The following STAU2 variants were observed in gnomAD, a reference collection of about 807,000 sequenced individuals.
The protein encoded by STAU2 is staufen double-stranded RNA binding protein 2.
A neutral mutation model predicts 65.9 loss-of-function variants in STAU2; 20 were observed. The observed-to-expected ratio is 0.30, with a 90% CI of 0.21 to 0.44. The LOEUF is 0.44. Among genes scored for constraint, STAU2 ranks in the 20% least tolerant of loss-of-function variants. The pLI is 1.00. For synonymous variants in STAU2, 232 were observed against 233.9 expected, an observed-to-expected ratio of 0.99 and a Z score of 0.07; for missense variants, 558 against 683.9, an observed-to-expected ratio of 0.82 and a Z score of 2.05.
chr8:73,701,717 A>G (rs911551219), intron 4 of STAU2, among the ~76,000 whole-genome samples: 6 of 152,194 alleles, frequency 3.9e-5, no homozygotes, highest in African/African-American at 1.4e-4. Flanking sequence ...CAATCCAGCA[A>G]TCCCGCTGCT....
intron 6 of STAU2, among the ~76,000 whole-genome samples, chr8:73,639,553 T>C (rs1340191039): frequency 1.3e-5 from 2 of 152,144 alleles, no homozygotes. Context: ...GGTACCCTCA[T>C]GCTCGACAAC....
chr8:73,453,403 T>C (rs1818902864), intron 13 of STAU2, among the ~76,000 whole-genome samples: 2 of 152,252 alleles, frequency 1.3e-5, no homozygotes, highest in Admixed American at 6.5e-5. Context: ...GTAAAAGCTA[T>C]CATTTGATGT....
At chr8:73,724,972 C>T (rs530957075) in intron 3 of STAU2, among the ~76,000 whole-genome samples, 1 of 152,252 alleles carries the variant, frequency 6.6e-6, no homozygotes, top group South Asian at 2.1e-4. Context: ...CAGGCATGAG[C>T]CACCATGCCC....
intron 12 of STAU2, among the ~76,000 whole-genome samples, chr8:73,568,765 A>G (rs1362270312): frequency 1.3e-5 from 2 of 152,236 alleles, no homozygotes; most frequent in Non-Finnish European, 2.9e-5. Context: ...TACTTTCAGT[A>G]TAAGTAACAG....
intron 3 of STAU2, among the ~76,000 whole-genome samples, chr8:73,709,536 T>C (rs1472545398): frequency 1.3e-5 from 2 of 152,064 alleles, no homozygotes; most frequent in Non-Finnish European, 2.9e-5. Flanking sequence ...GTCTACCTTC[T>C]TGATCGTTTC....
Position 73,530,180 on chromosome 8 carries a change from A to G in STAU2, c.1530+21832T>C, listed in dbSNP as rs551319686. Among the ~76,000 whole-genome samples, 61 of 152,292 alleles carry G rather than the reference A, an allele frequency of 4.0e-4. 1 individual carries two copies. Among genetic ancestry groups the G allele is most frequent in the Middle Eastern group, 6.8e-3 (2 of 294 alleles). ...CATGCCAGCTGTAGCCTGCAAGCTT[A>G]TGGACCTTTAAGTGACAAAAAAATA... On this transcript the variant is annotated intron_variant, in intron 13 of 14. Transcript: ENST00000524300.
chr8:73,520,151 G>A (rs1822966125), intron 13 of STAU2, among the ~76,000 whole-genome samples: 1 of 152,232 alleles, frequency 6.6e-6, no homozygotes. Context: ...AGTACAGGGT[G>A]AATGGTAAAA....
intron 13 of STAU2, among the ~76,000 whole-genome samples, chr8:73,548,184 T>C (rs1462184139): frequency 1.3e-5 from 2 of 151,628 alleles, no homozygotes; most frequent in African/African-American, 4.9e-5. Context: ...TCTTTCTCCA[T>C]ATTCTCCTAA....
At chr8:73,532,829 C>T (rs1243049506) in intron 13 of STAU2, among the ~76,000 whole-genome samples, 1 of 152,120 alleles carries the variant, frequency 6.6e-6, no homozygotes, top group African/African-American at 2.4e-5. Flanking sequence ...TTAATACTTT[C>T]AACCAATTGC....
At chr8:73,549,832 CAG>C in intron 13 of STAU2, 1 of 984,464 alleles carries the variant, frequency 1.0e-6, no homozygotes, top group Non-Finnish European at 1.2e-6. Context: ...ATAAAAGTAA[CAG>C]AATAGTGTAT....
At chr8:73,591,031 T>G (rs1454099069) in intron 11 of STAU2, 1 of 152,178 alleles carries the variant, frequency 6.6e-6, no homozygotes, top group African/African-American at 2.4e-5. Context: ...AAGGAAGTCC[T>G]TCAAGCAAGG....
intron 13 of STAU2, chr8:73,511,764 A>G (rs1203724718): frequency 1.3e-5 from 2 of 152,184 alleles, no homozygotes; most frequent in East Asian, 3.9e-4. Context: ...GTTTTGGTAA[A>G]GTCCAATTTA....
upstream of STAU2, chr8:73,746,943 G>A: frequency 1.1e-6 from 1 of 883,362 alleles, no homozygotes; most frequent in Non-Finnish European, 1.3e-6. Flanking sequence ...GCCCTCCCGC[G>A]CTCGCGCCGC....
chr8:73,589,807 A>G (rs1176710080), intron 11 of STAU2, among the ~76,000 whole-genome samples: 1 of 152,166 alleles, frequency 6.6e-6, no homozygotes, highest in Non-Finnish European at 1.5e-5. Flanking sequence ...AGAACTTGTC[A>G]AAATAACTGA....
At chr8:73,649,873 A>T (rs10088295) in intron 6 of STAU2, among the ~76,000 whole-genome samples, 10,007 of 41,710 alleles carry the variant, frequency 0.24, 860 homozygotes, top group Non-Finnish European at 0.38. Flanking sequence ...ATAATTTTAT[A>T]TATATATATA....
intron 4 of STAU2, among the ~76,000 whole-genome samples, chr8:73,691,820 C>A (rs1819339802): frequency 6.6e-6 from 1 of 152,036 alleles, no homozygotes; most frequent in Non-Finnish European, 1.5e-5. Context: ...GGTCTTTGAT[C>A]CCAATTTCTA....
chr8:73,532,839 C>T (rs958661983), intron 13 of STAU2, among the ~76,000 whole-genome samples: 4 of 152,146 alleles, frequency 2.6e-5, no homozygotes, highest in African/African-American at 9.7e-5. Flanking sequence ...CAACCAATTG[C>T]CAATCAGAAA....
chr8:73,649,869 T>TTATATATATATATATATATA (rs55814743), intron 6 of STAU2, among the ~76,000 whole-genome samples: 1 of 71,654 alleles, frequency 1.4e-5, no homozygotes, highest in African/African-American at 5.5e-5. Flanking sequence ...CTATATAATT[T>TTATATATATATATATATATA]TATATATATA....
chr8:73,564,912 G>A (rs1047119278), intron 12 of STAU2, among the ~76,000 whole-genome samples: 1 of 151,824 alleles, frequency 6.6e-6, no homozygotes, highest in Non-Finnish European at 1.5e-5. Flanking sequence ...TGGGTGTCGT[G>A]TGTGTGTGTG....
Sources: allele counts gnomAD v4.1 joint callset (sites outside exome capture counted in the v4.1 genomes callset), GRCh38; gene constraint gnomAD v4.1.1; transcripts MANE v1.5; gene names NCBI Gene and HGNC (gene_info 2026-07-23, HGNC 2026-07-21).